The following ANTXR1 variants were observed in gnomAD, a reference collection of about 807,000 sequenced individuals.
The protein encoded by ANTXR1 is anthrax toxin receptor 1.
ANTXR1 carries 19 observed loss-of-function variants against 78.1 expected under a neutral mutation model. The observed-to-expected ratio is 0.24, with a 90% CI of 0.17 to 0.36. ANTXR1 has a LOEUF of 0.36. Among genes scored for constraint, ANTXR1 ranks in the 10% least tolerant of loss-of-function variants. ANTXR1 has a pLI of 1.00. For synonymous variants in ANTXR1, 273 were observed against 260.5 expected (o/e 1.05, Z -0.46); for missense variants, 518 against 718.6 (o/e 0.72, Z 3.19).
chr2:69,025,037 T>C (rs879802951), intron 1 of ANTXR1, among the ~76,000 whole-genome samples: 1 of 152,146 alleles, frequency 6.6e-6, no homozygotes, highest in Admixed American at 6.5e-5. Flanking sequence ...TATCTTACCA[T>C]ATCCCACATC....
At position 69,057,065 on chromosome 2, in the gene ANTXR1, T is replaced by G. The variant is rs60312623; in HGVS notation, c.296+12252T>G. On this transcript the variant is annotated intron_variant, in intron 3 of 17. Coordinates refer to ENST00000303714, the MANE Select transcript of ANTXR1 (RefSeq NM_032208.3). ...TAATGTCATGTTTTTGAGATTTTTT[T>G]TGTGTGTAGATACATATAGCTGGTT... Among the ~76,000 whole-genome samples, 1,408 of 152,304 alleles carry G rather than the reference T, an allele frequency of 9.2e-3. 19 individuals carry two copies. The highest frequency in any genetic ancestry group is 0.032 in the African/African-American group (1,311 of 41,552).
rs200355895 is a variant in ANTXR1, at chr2:69,073,080, C to G, written c.471C>G (p.Leu157=). The G allele has an allele frequency of 7.9e-5, 128 of 1,613,942 alleles. No individual in the cohort carries two copies. The highest frequency in any genetic ancestry group is 3.3e-4 in the Middle Eastern group (2 of 6,078). Residue 157 remains leucine (L), a synonymous_variant, in exon 6 of 18, where the codon CTC becomes CTG. Coordinates refer to ENST00000303714, the MANE Select transcript of ANTXR1 (RefSeq NM_032208.3). ...ALTDGELHED[L]FFYSEREANR... Reference sequence around the variant, plus strand: ...CTGATGGAGAACTCCATGAAGATCTCTTTTTCTATTCAGAGAGGGAGGTAA... The same window carrying G: ...CTGATGGAGAACTCCATGAAGATCTGTTTTTCTATTCAGAGAGGGAGGTAA...
Position 69,245,362 on chromosome 2 carries a change from G to T in ANTXR1, c.1572G>T (p.Pro524=). The change falls in exon 18 of 18, where the codon CCG becomes CCT. Residue 524 remains proline, a synonymous_variant. Transcript: ENST00000303714. ...CTCCTGCGCCCCACTGCCCTCCCCC[G>T]CCCCCCAGCGCCCCTACCCCTCCCA... ...PPPPAPHCPP[P]PPSAPTPPIP... is the part of the protein sequence containing the mutation. The T allele has an allele frequency of 2.8e-6, 1 of 357,228 alleles. No individual in the cohort carries two copies. The highest frequency in any genetic ancestry group is 4.2e-6 in the Non-Finnish European group (1 of 238,390). 22.1% of individuals were successfully genotyped at this position (357,228 alleles called of 1,614,324 possible).
At chr2:69,222,039 T>C (rs375980606) in intron 17 of ANTXR1, among the ~76,000 whole-genome samples, 10 of 152,290 alleles carry the variant, frequency 6.6e-5, no homozygotes, top group Middle Eastern at 6.8e-3. Context: ...TGTGAGTGAC[T>C]GGTCACACCA....
At chr2:69,153,576 G>T (rs570263068) in intron 13 of ANTXR1, among the ~76,000 whole-genome samples, 1 of 152,260 alleles carries the variant, frequency 6.6e-6, no homozygotes, top group South Asian at 2.1e-4. Context: ...AGCTCCAAGA[G>T]TTAAATGTTG....
chr2:69,155,976 ACCC>A (rs1339368147), intron 13 of ANTXR1, among the ~76,000 whole-genome samples: 2 of 151,578 alleles, frequency 1.3e-5, no homozygotes, highest in African/African-American at 4.9e-5. Flanking sequence ...TCTGATAAAC[ACCC>A]CAATTCCCGA....
intron 12 of ANTXR1, among the ~76,000 whole-genome samples, chr2:69,136,951 G>A (rs530794517): frequency 6.6e-6 from 1 of 152,288 alleles, no homozygotes; most frequent in South Asian, 2.1e-4. Flanking sequence ...TAGTACTGGA[G>A]AGAAATCATT....
intron 9 of ANTXR1, among the ~76,000 whole-genome samples, chr2:69,096,504 G>GAGGAAGGGAGAGAGGA (rs1671434424): frequency 6.7e-6 from 1 of 148,364 alleles, no homozygotes; most frequent in South Asian, 2.2e-4. Context: ...GGGAGGGAGG[G>GAGGAAGGGAGAGAGGA]AGGAAGGGAG....
intron 14 of ANTXR1, among the ~76,000 whole-genome samples, chr2:69,178,717 CCTT>C (rs1285689333): frequency 1.3e-5 from 2 of 152,192 alleles, no homozygotes; most frequent in Non-Finnish European, 1.5e-5. Context: ...AGTTGTAAAT[CCTT>C]CTTTAAGTTC....
At chr2:69,131,093 C>CA (rs199952684) in intron 12 of ANTXR1, among the ~76,000 whole-genome samples, 9,190 of 151,472 alleles carry the variant, frequency 0.061, 354 homozygotes, top group Middle Eastern at 0.082. Flanking sequence ...TCTGTTGCCA[C>CA]AAAAAAAAAT....
At chr2:69,182,224 T>C (rs980209045) in intron 15 of ANTXR1, among the ~76,000 whole-genome samples, 1 of 152,164 alleles carries the variant, frequency 6.6e-6, no homozygotes, top group Admixed American at 6.5e-5. Context: ...CCAAAGTTCG[T>C]ACCTGAACCT....
intron 8 of ANTXR1, among the ~76,000 whole-genome samples, chr2:69,083,460 C>T (rs1189365808): frequency 6.6e-6 from 1 of 152,188 alleles, no homozygotes; most frequent in African/African-American, 2.4e-5. Context: ...GCTCTCTCCT[C>T]TTCCATGAGC....
intron 12 of ANTXR1, among the ~76,000 whole-genome samples, chr2:69,132,781 G>A (rs1011224590): frequency 6.6e-6 from 1 of 152,182 alleles, no homozygotes; most frequent in African/African-American, 2.4e-5. Context: ...AGCAAATGGA[G>A]CCAATGATAT....
At chr2:69,034,349 G>A (rs1341733854) in intron 1 of ANTXR1, among the ~76,000 whole-genome samples, 3 of 152,156 alleles carry the variant, frequency 2.0e-5, no homozygotes, top group Non-Finnish European at 4.4e-5. Context: ...GGACCCAAGA[G>A]TATTGAAAGA....
chr2:69,241,084 G>A (rs138656946), intron 17 of ANTXR1, among the ~76,000 whole-genome samples: 116 of 152,310 alleles, frequency 7.6e-4, no homozygotes, highest in Middle Eastern at 3.4e-3. Context: ...CTGTAAATGA[G>A]GATGCTGAGG....
chr2:69,220,621 A>T (rs1675295742), intron 17 of ANTXR1, among the ~76,000 whole-genome samples: 1 of 152,206 alleles, frequency 6.6e-6, no homozygotes, highest in African/African-American at 2.4e-5. Flanking sequence ...GTATGTATAT[A>T]TTGTTATTTA....
intron 17 of ANTXR1, among the ~76,000 whole-genome samples, chr2:69,211,968 G>A (rs1021684970): frequency 4.6e-5 from 7 of 152,134 alleles, no homozygotes; most frequent in South Asian, 2.1e-4. Flanking sequence ...CACTCCTCTC[G>A]TTGTAAGTCA....
chr2:69,243,328 C>G (rs1319963106), intron 17 of ANTXR1, among the ~76,000 whole-genome samples: 3 of 152,180 alleles, frequency 2.0e-5, no homozygotes, highest in African/African-American at 4.8e-5. Flanking sequence ...AAGGCTGCAG[C>G]CTTCCAGAAG....
intron 3 of ANTXR1, among the ~76,000 whole-genome samples, chr2:69,070,366 G>A (rs1381334059): frequency 6.6e-6 from 1 of 152,158 alleles, no homozygotes; most frequent in Non-Finnish European, 1.5e-5. Context: ...CATTTCCAAT[G>A]TAGAAGGAAA....
Sources: allele counts gnomAD v4.1 joint callset (sites outside exome capture counted in the v4.1 genomes callset), GRCh38; gene constraint gnomAD v4.1.1; transcripts MANE v1.5; gene names NCBI Gene and HGNC (gene_info 2026-07-23, HGNC 2026-07-21).